LAMTOR1: variants seen among roughly 807,000 people sequenced by gnomAD.
The protein encoded by LAMTOR1 is ragulator complex protein LAMTOR1.
A neutral mutation model predicts 20.5 loss-of-function variants in LAMTOR1; 8 were observed. The observed-to-expected ratio is 0.39, with a 90% CI of 0.23 to 0.70. LAMTOR1 has a LOEUF of 0.70. Among genes scored for constraint, LAMTOR1 ranks in the 30% least tolerant of loss-of-function variants. The pLI is 0.43. For synonymous variants in LAMTOR1, 77 were observed against 80.9 expected (o/e 0.95, Z 0.26); for missense variants, 135 against 206.2 (o/e 0.65, Z 2.11).
chr11:72,098,811 T>C lies in LAMTOR1; in HGVS notation c.236A>G (p.His79Arg), dbSNP rs1267268081. 1.3e-6 allele frequency: 2 copies of C among 1,550,972 alleles called. No individual in the cohort carries two copies. The highest frequency in any genetic ancestry group is 3.9e-5 in the Admixed American group (2 of 50,940). ...SAADSQGMEQ[H>R]EYMDRARQYS... is the part of the protein sequence containing the mutation. ...CTGCCTGGCACGGTCCATGTACTCATGCTGCTCCATGCCCTGTGAGTCTGC... is the reference window on the plus strand; with the variant it reads ...CTGCCTGGCACGGTCCATGTACTCACGCTGCTCCATGCCCTGTGAGTCTGC... The change falls in exon 3 of 5, where the codon CAT becomes CGT. Residue 79 changes from histidine (H) to arginine (R), a missense_variant. Physicochemically the swap from His to Arg is conservative, Grantham distance 29. Coordinates refer to ENST00000278671, the MANE Select transcript of LAMTOR1 (RefSeq NM_017907.3).
intron 4 of LAMTOR1, 107 bp from the exon 5 acceptor site, chr11:72,098,021 A>T (rs1442620831): frequency 7.3e-7 from 1 of 1,365,044 alleles, no homozygotes; most frequent in Non-Finnish European, 1.0e-6. Flanking sequence ...GAGGGAATGA[A>T]GGGGAACAGG....
rs1945267212 is a variant in LAMTOR1, at chr11:72,097,483, C to T, written c.*339G>A. 1 of 1,081,116 alleles carries T rather than the reference C, an allele frequency of 9.2e-7. No homozygotes were observed. Among genetic ancestry groups the T allele is most frequent in the Non-Finnish European group, 1.1e-6 (1 of 887,158 alleles). 67.0% of individuals were successfully genotyped at this position (1,081,116 alleles called of 1,614,324 possible). On this transcript the variant is annotated 3_prime_UTR_variant, in exon 5 of 5. Coordinates refer to ENST00000278671, the MANE Select transcript of LAMTOR1 (RefSeq NM_017907.3). ...AGAGGGGGCAGGAGTGACTCTGAGGCCAACAGAGAGGGTGGGAAGGGGATC... is the reference window on the plus strand; with the variant it reads ...AGAGGGGGCAGGAGTGACTCTGAGGTCAACAGAGAGGGTGGGAAGGGGATC...
chr11:72,098,011 G>A (rs1239751286), intron 4 of LAMTOR1, 97 bp from the exon 5 acceptor site: 4 of 1,428,322 alleles, frequency 2.8e-6, no homozygotes, highest in Non-Finnish European at 9.5e-7. Context: ...GATGGAGAAG[G>A]AGGGAATGAA....
At chr11:72,102,313 C>T (rs2135169070) in intron 1 of LAMTOR1, among the ~76,000 whole-genome samples, 1 of 152,336 alleles carries the variant, frequency 6.6e-6, no homozygotes, top group South Asian at 2.1e-4. Flanking sequence ...CAACTTGAGA[C>T]TTCATCCTTG....
intron 4 of LAMTOR1, 50 bp downstream of exon 4, chr11:72,098,239 C>A (rs1335430901): frequency 6.2e-7 from 1 of 1,608,416 alleles, no homozygotes; most frequent in South Asian, 1.1e-5. Flanking sequence ...CTCTGCCATA[C>A]CCTGGGCAGT....
At chr11:72,098,138 AG>A in intron 4 of LAMTOR1, 150 bp downstream of exon 4, 1 of 1,097,606 alleles carries the variant, frequency 9.1e-7, no homozygotes, top group Non-Finnish European at 1.3e-6. Context: ...AAAAGTTAAG[AG>A]AACGAGGTGG....
intron 1 of LAMTOR1, among the ~76,000 whole-genome samples, chr11:72,101,080 G>A (rs2135163879): frequency 6.6e-6 from 1 of 152,348 alleles, no homozygotes; most frequent in East Asian, 1.9e-4. Flanking sequence ...TCTTCCTGCA[G>A]GACAGGGTAG....
At chr11:72,103,095 G>A (rs1031086691) in intron 1 of LAMTOR1, 88 bp downstream of exon 1, 7 of 1,495,628 alleles carry the variant, frequency 4.7e-6, no homozygotes, top group African/African-American at 2.8e-5. Context: ...CCTGCAGTCC[G>A]GCTGCCCGTC....
At chr11:72,098,619 G>A in intron 3 of LAMTOR1, 162 bp downstream of exon 3, 1 of 793,336 alleles carries the variant, frequency 1.3e-6, no homozygotes, top group Non-Finnish European at 2.0e-6. Context: ...GGTAAACAGG[G>A]CTGACATGAA....
intron 2 of LAMTOR1, 33 bp downstream of exon 2, chr11:72,099,078 G>A (rs754946601): frequency 4.3e-6 from 7 of 1,609,692 alleles, no homozygotes. Context: ...GGATAGAGGA[G>A]CTCTGACCCA....
chr11:72,103,177 C>T lies in LAMTOR1; in HGVS notation c.42+6G>A, dbSNP rs779035857. The T allele has an allele frequency of 6.9e-6, 11 of 1,584,568 alleles. No homozygotes were observed. Among genetic ancestry groups the T allele is most frequent in the Non-Finnish European group, 8.6e-6 (10 of 1,166,126 alleles). On this transcript the variant is annotated splice_donor_region_variant and intron_variant, in intron 1 of 4. Coordinates refer to ENST00000278671, the MANE Select transcript of LAMTOR1 (RefSeq NM_017907.3). Reference sequence around the variant, plus strand: ...CATTCCCGAGCCCCGCCTGCCGCGGCCGCACCTGGTCCGAGTCCTCGTTCT... The same window carrying T: ...CATTCCCGAGCCCCGCCTGCCGCGGTCGCACCTGGTCCGAGTCCTCGTTCT...
rs954357624 is a variant in LAMTOR1 at position 72,103,226 on chromosome 11, G to T, written c.-2C>A. 2.6e-5 allele frequency: 41 copies of T among 1,562,366 alleles called. No individual in the cohort carries two copies. Among genetic ancestry groups the T allele is most frequent in the Admixed American group, 2.1e-4 (11 of 52,666 alleles). ...CTCGCTGCTGTAGCAGCACCCCATG[G>T]CCGGGGTCGGGCCGGGCGCTCAGGC... On this transcript the variant is annotated 5_prime_UTR_variant, in exon 1 of 5. Coordinates refer to ENST00000278671, the MANE Select transcript of LAMTOR1 (RefSeq NM_017907.3).
At chr11:72,099,005 C>G in intron 2 of LAMTOR1, 106 bp downstream of exon 2, 4 of 1,482,574 alleles carry the variant, frequency 2.7e-6, no homozygotes, top group Non-Finnish European at 3.7e-6. Flanking sequence ...GCACCTCTCC[C>G]CAGTGACCTT....
chr11:72,102,280 G>T (rs1017216214), intron 1 of LAMTOR1, among the ~76,000 whole-genome samples: 2 of 152,148 alleles, frequency 1.3e-5, no homozygotes, highest in Non-Finnish European at 2.9e-5. Flanking sequence ...GCTTAGAGAC[G>T]ATCAAAAAAG....
Position 72,097,721 on chromosome 11 carries a change from C to G in LAMTOR1, c.*101G>C. ...TCACATTTTTCTCTGTGATTAGTAG[C>G]AGGTTAGGGTACTGTATAAGCCGCA... On this transcript the variant is annotated 3_prime_UTR_variant, in exon 5 of 5. Coordinates refer to ENST00000278671, the MANE Select transcript of LAMTOR1 (RefSeq NM_017907.3). 8 of 1,575,760 alleles carry G rather than the reference C, an allele frequency of 5.1e-6. No individual in the cohort carries two copies. In the Middle Eastern group the frequency reaches 6.8e-4, roughly 134 times the overall value.
chr11:72,098,389 C>T lies in LAMTOR1; in HGVS notation c.293G>A (p.Ser98Asn). 6.2e-7 allele frequency: 1 copy of T among 1,612,272 alleles called. No homozygotes were observed. Among genetic ancestry groups the T allele is most frequent in the Admixed American group, 1.7e-5 (1 of 59,672 alleles). ...TGGCAGCTTCTTCCAATGGGTCAGG[C>T]TGCTGCTCAGCACAGCCAAGCGGGT... ...YSTRLAVLSSSLTHWKKLPPL... is the reference protein window; with the variant it reads ...YSTRLAVLSSNLTHWKKLPPL... Residue 98 changes from serine (S) to asparagine (N), a missense_variant, in exon 4 of 5, where the codon AGC (serine) becomes AAC (asparagine). By Grantham distance (46) the Ser-to-Asn change is conservative (BLOSUM62 1). Transcript: ENST00000278671.
chr11:72,098,951 C>G (rs937139820), intron 2 of LAMTOR1, 93 bp from the exon 3 acceptor site: 8 of 1,354,338 alleles, frequency 5.9e-6, no homozygotes, highest in African/African-American at 1.4e-5. Flanking sequence ...GGCTATCTGA[C>G]ACCAGTTTCC....
intron 3 of LAMTOR1, 40 bp downstream of exon 3, chr11:72,098,740 GC>G: frequency 7.1e-7 from 1 of 1,399,744 alleles, no homozygotes. Flanking sequence ...GAGGGTGGGA[GC>G]CCAAGTAGCC....
chr11:72,102,323 G>C (rs974447389), intron 1 of LAMTOR1, among the ~76,000 whole-genome samples: 10 of 152,208 alleles, frequency 6.6e-5, no homozygotes, highest in African/African-American at 2.4e-4. Flanking sequence ...CTTCATCCTT[G>C]AATGTCAGGC....
Sources: allele counts gnomAD v4.1 joint callset (sites outside exome capture counted in the v4.1 genomes callset), GRCh38; gene constraint gnomAD v4.1.1; transcripts MANE v1.5; gene names NCBI Gene and HGNC (gene_info 2026-07-23, HGNC 2026-07-21).